COL4A6: variants seen among roughly 807,000 people sequenced by gnomAD.
COL4A6 encodes collagen type IV alpha 6 chain, also known as collagen alpha-6(IV) chain.
In COL4A6, 59 loss-of-function variants were observed where a neutral mutation model predicts 126.7. The observed-to-expected ratio is 0.47, with a 90% CI of 0.38 to 0.58. The LOEUF (loss-of-function observed/expected upper bound fraction) is 0.58. Among genes scored for constraint, COL4A6 ranks in the 20% least tolerant of loss-of-function variants. The pLI, the probability that COL4A6 is intolerant of heterozygous loss-of-function variation, is 0.00. For missense variants in COL4A6, 1,285 were observed against 1,337.3 expected, an observed-to-expected ratio of 0.96 and a Z score of 0.61; for synonymous variants, 547 against 496.6, an observed-to-expected ratio of 1.10 and a Z score of -1.35.
chrX:108,347,940 C>A (rs2039747499), intron 2 of COL4A6, among the ~76,000 whole-genome samples: 1 of 110,211 alleles, frequency 9.1e-6, no homozygotes, highest in African/African-American at 3.3e-5. Flanking sequence ...GGCTGAGCTG[C>A]AGGCAGCAGG....
chrX:108,378,607 T>C (rs1183023912), intron 2 of COL4A6, among the ~76,000 whole-genome samples: 1 of 112,633 alleles, frequency 8.9e-6, no homozygotes, highest in Non-Finnish European at 1.9e-5. Flanking sequence ...GACTCAGTTC[T>C]GGACAATGAA....
intron 2 of COL4A6, among the ~76,000 whole-genome samples, chrX:108,345,303 T>C (rs1307442502): frequency 9.0e-6 from 1 of 111,605 alleles, no homozygotes; most frequent in Non-Finnish European, 1.9e-5. Flanking sequence ...CATCCATAAA[T>C]GAAACAAAAT....
At chrX:108,224,335 T>A (rs980039778) in intron 3 of COL4A6, among the ~76,000 whole-genome samples, 3 of 112,236 alleles carry the variant, frequency 2.7e-5, no homozygotes, top group South Asian at 3.7e-4. Flanking sequence ...ATATATTTTT[T>A]AAATTCTAAT....
chrX:108,257,712 C>T (rs752612692), intron 3 of COL4A6, among the ~76,000 whole-genome samples: 12 of 110,885 alleles, frequency 1.1e-4, no homozygotes, highest in Non-Finnish European at 2.3e-4. Context: ...GTCACCTTCC[C>T]CCGGAAGATC....
Position 108,187,427 on chromosome X carries a change from T to TC in COL4A6, c.1768-149dup, listed in dbSNP as rs1410308738. 62 of 468,903 alleles carry TC rather than the reference T, an allele frequency of 1.3e-4. No individual in the cohort carries two copies. In the African/African-American group the frequency reaches 1.4e-3, roughly 11 times the overall value. 38.6% of individuals were successfully genotyped at this position (468,903 alleles called of 1,213,427 possible). ...CATCACCATAGTTTATCTATCAGTCTCCTCTGACTTTAGTTAGTGGATATG... is the reference window on the plus strand; with the variant it reads ...CATCACCATAGTTTATCTATCAGTCTCCCTCTGACTTTAGTTAGTGGATATG... On this transcript the variant is annotated intron_variant, in intron 22 of 44. Transcript: ENST00000334504.
At chrX:108,242,292 G>A (rs1207392144) in intron 3 of COL4A6, among the ~76,000 whole-genome samples, 1 of 111,521 alleles carries the variant, frequency 9.0e-6, no homozygotes, top group Admixed American at 9.5e-5. Context: ...CAGTTCTGTG[G>A]CATTAAGTAC....
chrX:108,311,568 A>T (rs1247092728), intron 2 of COL4A6, among the ~76,000 whole-genome samples: 1 of 111,440 alleles, frequency 9.0e-6, no homozygotes, highest in Non-Finnish European at 1.9e-5. Flanking sequence ...CATTAAAAAC[A>T]TCAAGCCTGT....
chrX:108,372,477 A>G (rs1277799867), intron 2 of COL4A6, among the ~76,000 whole-genome samples: 1 of 111,927 alleles, frequency 8.9e-6, no homozygotes, highest in East Asian at 2.8e-4. Flanking sequence ...ATGCAGTCCA[A>G]CTCTCCACAT....
intron 3 of COL4A6, among the ~76,000 whole-genome samples, chrX:108,257,729 A>G (rs150604617): frequency 1.4e-4 from 15 of 110,987 alleles, no homozygotes; most frequent in East Asian, 5.7e-4. Flanking sequence ...GATCTCTTGC[A>G]TATTTAATAC....
intron 3 of COL4A6, among the ~76,000 whole-genome samples, chrX:108,274,178 A>G (rs777324754): frequency 1.8e-5 from 2 of 111,601 alleles, no homozygotes; most frequent in Non-Finnish European, 3.8e-5. Flanking sequence ...TGTTGCTCAC[A>G]GTTAAGAGGA....
At chrX:108,328,754 T>C (rs1039199402) in intron 2 of COL4A6, among the ~76,000 whole-genome samples, 5 of 112,409 alleles carry the variant, frequency 4.4e-5, no homozygotes, top group African/African-American at 1.6e-4. Context: ...GTTGAAGAGA[T>C]ATCTGTGATC....
At position 108,165,401 on chromosome X, in the gene COL4A6, G is replaced by A. The variant is rs372872699; in HGVS notation, c.3777C>T (p.Asp1259=). Residue 1259 remains aspartate, a synonymous_variant, in exon 38 of 45, where the codon GAC becomes GAT. Coordinates refer to ENST00000334504, the MANE Select transcript of COL4A6 (RefSeq NM_033641.4). ...LPSLIAGQPG[D]PGRPGLDGER... is the part of the protein sequence containing the mutation. Reference sequence around the variant, plus strand: ...CTCCATCTAGGCCTGGTCGCCCGGGGTCACCAGGCTGTCCTGCTATGAGTG... The same window carrying A: ...CTCCATCTAGGCCTGGTCGCCCGGGATCACCAGGCTGTCCTGCTATGAGTG... 3 of 1,208,177 alleles carry A rather than the reference G, an allele frequency of 2.5e-6. No homozygotes were observed. Among genetic ancestry groups the A allele is most frequent in the Admixed American group, 2.2e-5 (1 of 45,781 alleles).
At chrX:108,283,500 A>G (rs1271047262) in intron 3 of COL4A6, among the ~76,000 whole-genome samples, 1 of 111,625 alleles carries the variant, frequency 9.0e-6, no homozygotes, top group African/African-American at 3.3e-5. Context: ...TGTTCCTGTC[A>G]GTTCAAATAA....
At chrX:108,286,001 T>C (rs1219049132) in intron 3 of COL4A6, among the ~76,000 whole-genome samples, 1 of 111,866 alleles carries the variant, frequency 8.9e-6, no homozygotes, top group Non-Finnish European at 1.9e-5. Context: ...CTGTGAATGT[T>C]TGTTTCAGCT....
chrX:108,411,004 G>T (rs184544124), intron 2 of COL4A6, among the ~76,000 whole-genome samples: 1 of 112,471 alleles, frequency 8.9e-6, no homozygotes, highest in African/African-American at 3.2e-5. Flanking sequence ...TCAACTCATA[G>T]GAAGAAGGCA....
At chrX:108,158,844 C>T (rs987367383) in intron 44 of COL4A6, among the ~76,000 whole-genome samples, 1 of 112,000 alleles carries the variant, frequency 8.9e-6, no homozygotes, top group Non-Finnish European at 1.9e-5. Context: ...GAAACATCCC[C>T]AGGTATTCAC....
chrX:108,299,708 G>T (rs779511269), intron 3 of COL4A6, among the ~76,000 whole-genome samples: 2 of 112,265 alleles, frequency 1.8e-5, no homozygotes, highest in East Asian at 5.6e-4. Context: ...CTAAAGAAAT[G>T]AGCATTTTTT....
At chrX:108,280,191 T>C (rs2037760123) in intron 3 of COL4A6, among the ~76,000 whole-genome samples, 2 of 110,814 alleles carry the variant, frequency 1.8e-5, no homozygotes, top group African/African-American at 3.3e-5. Flanking sequence ...TTCAAAAAAT[T>C]AACGAATCCA....
chrX:108,336,401 T>C lies in COL4A6; in HGVS notation c.64-25573A>G, dbSNP rs770073114. On this transcript the variant is annotated intron_variant, in intron 2 of 44. Transcript: ENST00000334504. ...GCTAAATTAAAGAAGCCATGTATTC[T>C]ATTATTTCATTTATATGAAATATTC... Among the ~76,000 whole-genome samples the C allele has an allele frequency of 2.7e-5, 3 of 112,091 alleles. No individual in the cohort carries two copies. The South Asian group carries it at 1.1e-3, about 42-fold the overall frequency.
Sources: allele counts gnomAD v4.1 joint callset (sites outside exome capture counted in the v4.1 genomes callset), GRCh38; gene constraint gnomAD v4.1.1; transcripts MANE v1.5; gene names NCBI Gene and HGNC (gene_info 2026-07-23, HGNC 2026-07-21).